The following SCAMP4 variants were observed in gnomAD, a reference collection of about 807,000 sequenced individuals.
SCAMP4 encodes the protein secretory carrier membrane protein 4, also known as secretory carrier-associated membrane protein 4.
In SCAMP4, 19 loss-of-function variants were observed where a neutral mutation model predicts 32.1. The observed-to-expected ratio is 0.59, with a 90% CI of 0.41 to 0.87. The LOEUF (loss-of-function observed/expected upper bound fraction) is 0.87. Ranked by LOEUF, SCAMP4 falls within the 40% of genes least tolerant of loss-of-function variation. The pLI is 0.00. For missense variants in SCAMP4, 302 were observed against 309.0 expected (o/e 0.98, Z 0.17); for synonymous variants, 152 against 132.7 (o/e 1.15, Z -1.00).
intron 1 of SCAMP4, chr19:1,912,435 G>A (rs1292513578): frequency 1.1e-5 from 17 of 1,510,374 alleles, no homozygotes; most frequent in Non-Finnish European, 1.4e-5. Flanking sequence ...GCCACGGCCG[G>A]CTGTGGACCC....
intron 5 of SCAMP4, 76 bp from the exon 6 acceptor site, chr19:1,922,994 G>A (rs1393623771): frequency 1.9e-5 from 27 of 1,435,354 alleles, no homozygotes; most frequent in East Asian, 5.4e-5. Flanking sequence ...CTTTACATGG[G>A]GAGGACCATG....
At chr19:1,909,812 A>G (rs2145429060) in intron 1 of SCAMP4, among the ~76,000 whole-genome samples, 1 of 152,296 alleles carries the variant, frequency 6.6e-6, no homozygotes, top group South Asian at 2.1e-4. Context: ...GCTCCACCCG[A>G]CAGCCAGGGC....
At position 1,917,841 on chromosome 19, in the gene SCAMP4, AGGAGGCG is replaced by A. The variant is rs773788620; in HGVS notation, c.136+23_136+29del. The A allele has an allele frequency of 6.2e-7, 1 of 1,613,070 alleles. No homozygotes were observed. On this transcript the variant is annotated intron_variant, in intron 3 of 6. Coordinates refer to ENST00000316097, the MANE Select transcript of SCAMP4 (RefSeq NM_079834.4). ...TGGATGTGTGAGTGCGCCTGGGGGC[AGGAGGCG>A]GGAAGCGGGAGGCAGGGCTCCCCGA...
At chr19:1,914,536 T>A in intron 1 of SCAMP4, 1 of 215,582 alleles carries the variant, frequency 4.6e-6, no homozygotes, top group Non-Finnish European at 9.5e-6. Flanking sequence ...TGGGTGGATG[T>A]CAGGCCAGGT....
chr19:1,913,313 C>T (rs2013600894), intron 1 of SCAMP4: 4 of 1,113,676 alleles, frequency 3.6e-6, no homozygotes, highest in South Asian at 3.4e-5. Flanking sequence ...GCGGATCGAG[C>T]TTTCCTGGAC....
chr19:1,922,296 G>A (rs560729312), intron 5 of SCAMP4: 3 of 975,596 alleles, frequency 3.1e-6, no homozygotes, highest in African/African-American at 3.5e-5. Context: ...ATCTTGCTCT[G>A]TCCCCCAGGC....
chr19:1,909,439 C>T (rs1410530515), intron 1 of SCAMP4, among the ~76,000 whole-genome samples: 2 of 152,088 alleles, frequency 1.3e-5, no homozygotes, highest in African/African-American at 4.8e-5. Context: ...GGCCCTACTG[C>T]CTCATGTCCA....
At chr19:1,912,205 C>T in intron 1 of SCAMP4, 4 of 1,589,924 alleles carry the variant, frequency 2.5e-6, no homozygotes, top group Non-Finnish European at 3.4e-6. Context: ...GAGAAGCAGT[C>T]AGGGGACGTG....
At chr19:1,923,248 A>G (rs2013977784) in intron 6 of SCAMP4, 61 bp downstream of exon 6, 4 of 1,398,698 alleles carry the variant, frequency 2.9e-6, no homozygotes, top group Non-Finnish European at 3.9e-6. Flanking sequence ...TCGTCACCCA[A>G]CTGTCCCAGG....
At chr19:1,920,673 T>TG in intron 5 of SCAMP4, 4 of 985,522 alleles carry the variant, frequency 4.1e-6, no homozygotes, top group Non-Finnish European at 4.8e-6. Context: ...GTCAAGGCAC[T>TG]GCTCGTCATC....
intron 1 of SCAMP4, among the ~76,000 whole-genome samples, chr19:1,914,334 T>C (rs1162254132): frequency 6.6e-6 from 1 of 152,148 alleles, no homozygotes; most frequent in African/African-American, 2.4e-5. Context: ...TCACCTGGAC[T>C]GTGGGCGGGA....
In SCAMP4 at chr19:1,925,830, C is replaced by T. The variant is rs1054404550; in HGVS notation, c.*1546C>T. ...CTTCAGGGTCTTCAGGTCCTGCCCC[C>T]GGCCAGTCTGCCAAGAGGCACCCCC... On this transcript the variant is annotated 3_prime_UTR_variant, in exon 7 of 7. Coordinates refer to ENST00000316097, the MANE Select transcript of SCAMP4 (RefSeq NM_079834.4). The T allele has an allele frequency of 1.4e-3, 209 of 152,774 alleles. 3 individuals are homozygous for T. The highest frequency in any genetic ancestry group is 3.4e-4 in the Non-Finnish European group (23 of 68,158). The allele number at this position is 152,774 out of a possible 1,614,324, so 9.5% of individuals were successfully genotyped here.
chr19:1,924,282 T>C lies in SCAMP4; in HGVS notation c.688T>C (p.Ter230GlnextTer108). Residue 230 changes from the stop codon to glutamine, a stop_lost, in exon 7 of 7, where the codon TAG becomes CAG. Transcript: ENST00000316097. The stretch of plus-strand genomic sequence containing the variant: ...CTACCCGGGCAGTGGCCAGTGGCCT[T>C]AGAGGGAGCCTGCCCTGCCCCCACC... ...PSYPGSGQWP[*>Q] 6.3e-7 allele frequency: 1 copy of C among 1,589,066 alleles called. No individual in the cohort carries two copies. Among genetic ancestry groups the C allele is most frequent in the Non-Finnish European group, 8.6e-7 (1 of 1,169,266 alleles).
chr19:1,910,867 G>T (rs374423365), intron 1 of SCAMP4, among the ~76,000 whole-genome samples: 1 of 148,848 alleles, frequency 6.7e-6, no homozygotes, highest in Non-Finnish European at 1.5e-5. Flanking sequence ...AAGCCACCAC[G>T]CCTGGCTTTT....
At chr19:1,907,803 G>T (rs2013214046) in intron 1 of SCAMP4, among the ~76,000 whole-genome samples, 1 of 152,156 alleles carries the variant, frequency 6.6e-6, no homozygotes, top group Non-Finnish European at 1.5e-5. Context: ...GGAGGGTCAG[G>T]TGGCCCCCTG....
At chr19:1,913,607 C>T (rs2013618315) in intron 1 of SCAMP4, among the ~76,000 whole-genome samples, 8 of 152,156 alleles carry the variant, frequency 5.3e-5, no homozygotes, top group Admixed American at 5.2e-4. Flanking sequence ...CAGCTGCTGC[C>T]TCCTTTCCCG....
At chr19:1,922,886 A>G in intron 5 of SCAMP4, 184 bp from the exon 6 acceptor site, 1 of 1,334,264 alleles carries the variant, frequency 7.5e-7, no homozygotes, top group Non-Finnish European at 9.6e-7. Context: ...GGTCGTATTC[A>G]CGCGTTGAAG....
intron 1 of SCAMP4, among the ~76,000 whole-genome samples, chr19:1,914,100 G>A (rs1199855939): frequency 5.3e-5 from 8 of 152,168 alleles, no homozygotes; most frequent in South Asian, 2.1e-4. Context: ...CCGCAGAGGC[G>A]TGCCCAGTTG....
chr19:1,920,246 C>T lies in SCAMP4; in HGVS notation c.395+1256C>T, dbSNP rs140867725. ...CACGGCGGGAGCTCCCCACGGGTGACGCTGCTCACGGAGCCGTGGGTGCCT... is the reference window on the plus strand; with the variant it reads ...CACGGCGGGAGCTCCCCACGGGTGATGCTGCTCACGGAGCCGTGGGTGCCT... On this transcript the variant is annotated intron_variant, in intron 5 of 6. Transcript: ENST00000316097. 1.7e-3 allele frequency: 1,659 copies of T among 985,450 alleles called. 17 individuals carry two copies. The African/African-American group carries it at 0.027, about 16-fold the overall frequency. The allele number at this position is 985,450 out of a possible 1,614,324, so 61.0% of individuals were successfully genotyped here. A position where few individuals can be genotyped will look rare whatever the true frequency, so the allele number is the denominator to read the frequency against.
Sources: allele counts gnomAD v4.1 joint callset (sites outside exome capture counted in the v4.1 genomes callset), GRCh38; gene constraint gnomAD v4.1.1; transcripts MANE v1.5; gene names NCBI Gene and HGNC (gene_info 2026-07-23, HGNC 2026-07-21).